Variants in MED13L observed in about 807,000 individuals in gnomAD.
MED13L encodes the protein mediator complex subunit 13L, also known as mediator of RNA polymerase II transcription subunit 13-like.
A neutral mutation model predicts 220.9 loss-of-function variants in MED13L; 7 were observed. The observed-to-expected ratio is 0.03, with a 90% CI of 0.02 to 0.06. The LOEUF is 0.06. Among genes scored for constraint, MED13L ranks in the 10% least tolerant of loss-of-function variants. The pLI is 1.00. For missense variants in MED13L, 1,965 were observed against 2,760.5 expected, an observed-to-expected ratio of 0.71 and a Z score of 6.46; for synonymous variants, 1,011 against 1,015.2, an observed-to-expected ratio of 1.00 and a Z score of 0.08.
intron 1 of MED13L, among the ~76,000 whole-genome samples, chr12:116,253,829 T>C (rs1306994599): frequency 1.5e-5 from 2 of 137,808 alleles, no homozygotes; most frequent in East Asian, 2.4e-4. Flanking sequence ...GCGCAATACC[T>C]GCTTGCTGCA....
chr12:116,273,559 G>A (rs1426860424), intron 1 of MED13L, among the ~76,000 whole-genome samples: 2 of 146,390 alleles, frequency 1.4e-5, no homozygotes, highest in East Asian at 4.0e-4. Context: ...AATCCCTTAA[G>A]ACAAAAAGAA....
At chr12:116,211,564 T>C (rs1882702744) in intron 2 of MED13L, among the ~76,000 whole-genome samples, 1 of 152,172 alleles carries the variant, frequency 6.6e-6, no homozygotes, top group African/African-American at 2.4e-5. Context: ...TCCTAAATAC[T>C]AGAAGATATA....
intron 4 of MED13L, among the ~76,000 whole-genome samples, chr12:116,057,086 AG>A (rs1479251299): frequency 2.0e-5 from 3 of 152,248 alleles, no homozygotes; most frequent in African/African-American, 7.2e-5. Context: ...GCGTCAGACA[AG>A]GTTAAATCAG....
In MED13L at chr12:116,146,183, C is replaced by T. The variant is rs780160398; in HGVS notation, c.311-34671G>A. Among the ~76,000 whole-genome samples the T allele has an allele frequency of 6.6e-5, 10 of 152,060 alleles. No individual in the cohort carries two copies. In the South Asian group the frequency reaches 1.0e-3, roughly 16 times the overall value. On this transcript the variant is annotated intron_variant, in intron 2 of 30. Transcript: ENST00000281928. ...CTGTCACCAGGCTGGAATGCAGTGG[C>T]GCAATCTCGGTTCACTGCAACCTCC...
At chr12:116,015,963 A>C (rs367763583) in intron 7 of MED13L, among the ~76,000 whole-genome samples, 13 of 151,486 alleles carry the variant, frequency 8.6e-5, no homozygotes, top group African/African-American at 3.2e-4. Flanking sequence ...TTTCAAATAC[A>C]GTGGTTATAA....
chr12:116,010,882 CTTT>C (rs751574971), intron 9 of MED13L, among the ~76,000 whole-genome samples: 6 of 138,562 alleles, frequency 4.3e-5, no homozygotes, highest in South Asian at 2.3e-4. Flanking sequence ...AAGGATTTTT[CTTT>C]TTTTTTTTTT....
intron 1 of MED13L, among the ~76,000 whole-genome samples, chr12:116,269,466 C>CAAA (rs34100053): frequency 2.0e-3 from 138 of 69,006 alleles, no homozygotes; most frequent in Middle Eastern, 0.024. Context: ...TTAAACTATG[C>CAAA]AAAAAAAAAA....
At chr12:116,095,359 C>T (rs189678391) in intron 4 of MED13L, among the ~76,000 whole-genome samples, 93 of 152,214 alleles carry the variant, frequency 6.1e-4, no homozygotes, top group African/African-American at 2.2e-3. Context: ...AAGGAAAATG[C>T]TTCAAAGAAG....
chr12:116,161,965 A>G (rs1878888756), intron 2 of MED13L, among the ~76,000 whole-genome samples: 1 of 152,160 alleles, frequency 6.6e-6, no homozygotes, highest in South Asian at 2.1e-4. Flanking sequence ...AGGGGGGCAA[A>G]GAAAAGAAAC....
rs148068153 is a variant in MED13L, at chr12:116,083,275, A to G, written c.479+13394T>C. Among the ~76,000 whole-genome samples the G allele has an allele frequency of 7.0e-4, 107 of 152,048 alleles. 1 individual carries two copies. In the East Asian group the frequency reaches 0.02, roughly 28 times the overall value. ...AAAAATTAGCTAGGCATGGTGGTAC[A>G]TGCCTATAATCCCAGCTACTCAGGA... On this transcript the variant is annotated intron_variant, in intron 4 of 30. Transcript: ENST00000281928.
rs760701933 is a variant in MED13L at position 115,972,139 on chromosome 12, A to G, written c.5829T>C (p.Pro1943=). The change falls in exon 26 of 31, where the codon CCT becomes CCC. Residue 1943 remains proline, a synonymous_variant. Transcript: ENST00000281928. ...RMCGISAADS[P]SILSACLVAM... Reference sequence around the variant, plus strand: ...CAACCAGGCAGGCACTAAGGATAGAAGGAGAGTCTGCGGCAGAGATTCCAC... The same window carrying G: ...CAACCAGGCAGGCACTAAGGATAGAGGGAGAGTCTGCGGCAGAGATTCCAC... The G allele has an allele frequency of 2.5e-6, 4 of 1,614,098 alleles. No individual in the cohort carries two copies. In the South Asian group the frequency reaches 4.4e-5, roughly 18 times the overall value.
intron 13 of MED13L, 69 bp downstream of exon 13, chr12:116,005,800 T>A: frequency 6.3e-7 from 1 of 1,584,712 alleles, no homozygotes; most frequent in Non-Finnish European, 8.7e-7. Context: ...TATAAAGAAA[T>A]ACTACAACAC....
At chr12:116,070,669 T>G (rs61939683) in intron 4 of MED13L, among the ~76,000 whole-genome samples, 22,712 of 152,098 alleles carry the variant, frequency 0.15, 1,904 homozygotes, top group Middle Eastern at 0.21. Flanking sequence ...TATACAAGCA[T>G]GCCGCACCCT....
chr12:116,247,734 T>C (rs1056721335), intron 1 of MED13L, among the ~76,000 whole-genome samples: 2 of 152,228 alleles, frequency 1.3e-5, no homozygotes, highest in African/African-American at 2.4e-5. Context: ...GATTCATAAA[T>C]GTTTTCCTCA....
chr12:115,989,061 A>C (rs2137297498), intron 17 of MED13L, among the ~76,000 whole-genome samples: 1 of 152,306 alleles, frequency 6.6e-6, no homozygotes, highest in African/African-American at 2.4e-5. Context: ...TGATTGGCCT[A>C]GTCAGAAAAT....
chr12:116,157,448 C>T (rs1476594331), intron 2 of MED13L, among the ~76,000 whole-genome samples: 1 of 152,132 alleles, frequency 6.6e-6, no homozygotes, highest in African/African-American at 2.4e-5. Flanking sequence ...GCACTCCAGC[C>T]TTTGTTAATC....
intron 2 of MED13L, among the ~76,000 whole-genome samples, chr12:116,145,708 A>G (rs1877444641): frequency 1.0e-5 from 1 of 97,916 alleles, no homozygotes; most frequent in South Asian, 4.2e-4. Flanking sequence ...TTTATTTTAA[A>G]TTTTTGTAGA....
At chr12:116,041,572 CG>C (rs1347193703) in intron 4 of MED13L, among the ~76,000 whole-genome samples, 10 of 152,174 alleles carry the variant, frequency 6.6e-5, no homozygotes, top group Non-Finnish European at 1.5e-5. Context: ...AGGCTGGGCG[CG>C]GTGGCTCATG....
At chr12:116,023,859 T>C (rs1880214623) in intron 4 of MED13L, among the ~76,000 whole-genome samples, 1 of 152,176 alleles carries the variant, frequency 6.6e-6, no homozygotes, top group East Asian at 1.9e-4. Context: ...AAAATGCACA[T>C]AATTTGAACA....
Sources: allele counts gnomAD v4.1 joint callset (sites outside exome capture counted in the v4.1 genomes callset), GRCh38; gene constraint gnomAD v4.1.1; transcripts MANE v1.5; gene names NCBI Gene and HGNC (gene_info 2026-07-23, HGNC 2026-07-21).